The following DHX8 variants were observed in gnomAD, a reference collection of about 807,000 sequenced individuals.
DHX8 encodes the protein DEAH-box helicase 8.
Under a neutral mutation model 140.7 loss-of-function variants are expected in DHX8, and 67 were observed. The ratio of observed to expected loss-of-function variants is 0.48; its 90% confidence interval spans 0.39 to 0.58. The LOEUF (loss-of-function observed/expected upper bound fraction) is 0.58, where lower values mean the gene tolerates loss of function less well. DHX8 is among the 20% of genes least tolerant of loss of function. The probability of loss-of-function intolerance (pLI) is 0.00; values close to 1 mark genes in which losing one functional copy is unlikely to be tolerated. For missense variants in DHX8, 887 were observed against 1,550.7 expected (o/e 0.57, Z 7.19); for synonymous variants, 533 against 553.2 (o/e 0.96, Z 0.51).
intron 16 of DHX8, among the ~76,000 whole-genome samples, chr17:43,510,756 T>C (rs1969780324): frequency 6.6e-6 from 1 of 152,186 alleles, no homozygotes; most frequent in Admixed American, 6.6e-5. Context: ...AAAGAAATGC[T>C]GTACCCTTTA....
At chr17:43,494,843 G>C (rs1292119810) in intron 8 of DHX8, among the ~76,000 whole-genome samples, 1 of 136,404 alleles carries the variant, frequency 7.3e-6, no homozygotes, top group South Asian at 2.3e-4. Context: ...ACGGAGTCTC[G>C]CTCTGTCACC....
At chr17:43,514,813 A>G (rs1970024943) in intron 17 of DHX8, among the ~76,000 whole-genome samples, 3 of 152,258 alleles carry the variant, frequency 2.0e-5, no homozygotes, top group African/African-American at 7.2e-5. Flanking sequence ...TATTCATGCC[A>G]TAGAATGTTG....
At chr17:43,508,104 T>C (rs1385172205) in intron 15 of DHX8, 85 bp downstream of exon 15, 2 of 1,346,204 alleles carry the variant, frequency 1.5e-6, no homozygotes, top group Non-Finnish European at 2.0e-6. Flanking sequence ...TCTTTTTTGC[T>C]AATCTTTTTA....
intron 21 of DHX8, 132 bp downstream of exon 21, chr17:43,521,697 G>C (rs930154930): frequency 1.2e-6 from 1 of 869,020 alleles, no homozygotes; most frequent in Admixed American, 2.8e-5. Context: ...TTTTCCTCCA[G>C]CTTTTCCATC....
At chr17:43,536,502 A>C in intron 3 of DHX8, 3 of 1,613,574 alleles carry the variant, frequency 1.9e-6, no homozygotes, top group Non-Finnish European at 2.5e-6. Flanking sequence ...GTCAGAGGTG[A>C]GTTTGGGGCG....
intron 3 of DHX8, 73 bp from the exon 4 acceptor site, chr17:43,491,092 A>G (rs1968491095): frequency 1.6e-6 from 1 of 611,208 alleles, no homozygotes; most frequent in Non-Finnish European, 2.5e-6. Context: ...TGTTGAAGTT[A>G]TTTTGTTAAT....
intron 4 of DHX8, among the ~76,000 whole-genome samples, chr17:43,491,726 G>A (rs1170143507): frequency 2.0e-5 from 3 of 151,898 alleles, no homozygotes; most frequent in Non-Finnish European, 2.9e-5. Context: ...GTAGGGAGCA[G>A]GAAATAAACA....
At chr17:43,521,338 G>A (rs747460629) in intron 20 of DHX8, 31 bp from the exon 21 acceptor site, 26 of 1,577,828 alleles carry the variant, frequency 1.6e-5, no homozygotes, top group Middle Eastern at 1.7e-4. Flanking sequence ...CTGTTGAGTC[G>A]GAAATGTTCC....
intron 9 of DHX8, 126 bp from the exon 10 acceptor site, chr17:43,498,736 A>G: frequency 1.5e-6 from 1 of 666,064 alleles, no homozygotes; most frequent in Non-Finnish European, 2.5e-6. Flanking sequence ...GGCGTGAGCC[A>G]CCATGCCCCA....
In DHX8 at chr17:43,484,020, T is replaced by C. The variant is rs1222129972; in HGVS notation, c.-18T>C. 1.9e-6 allele frequency: 3 copies of C among 1,613,614 alleles called. No individual in the cohort carries two copies. The highest frequency in any genetic ancestry group is 2.5e-6 in the Non-Finnish European group (3 of 1,179,832). ...GAGCGCCGGCTGTGAGGAAGGAGGT[T>C]CTGGGCAAGCTATAGCCATGGCTGT... On this transcript the variant is annotated 5_prime_UTR_variant, in exon 1 of 23. Coordinates refer to ENST00000262415, the MANE Select transcript of DHX8 (RefSeq NM_004941.3).
chr17:43,498,319 G>A (rs1395926189), intron 9 of DHX8, among the ~76,000 whole-genome samples: 5 of 151,192 alleles, frequency 3.3e-5, no homozygotes, highest in African/African-American at 9.7e-5. Flanking sequence ...TAATTTTTTT[G>A]TATTTTTAGT....
chr17:43,498,850 G>T lies in DHX8; in HGVS notation c.1301-12G>T. On this transcript the variant is annotated splice_polypyrimidine_tract_variant and intron_variant, in intron 9 of 22. Coordinates refer to ENST00000262415, the MANE Select transcript of DHX8 (RefSeq NM_004941.3). ...TGTTTATGGCTAATTCTTCTTTTGGGGGGACTTTTAGATGAGGACCTTGAG... is the reference window on the plus strand; with the variant it reads ...TGTTTATGGCTAATTCTTCTTTTGGTGGGACTTTTAGATGAGGACCTTGAG... 6.3e-7 allele frequency: 1 copy of T among 1,585,128 alleles called. No individual in the cohort carries two copies. The highest frequency in any genetic ancestry group is 1.1e-5 in the South Asian group (1 of 87,602).
At position 43,520,864 on chromosome 17, in the gene DHX8, C is replaced by T; in HGVS notation, c.3051C>T (p.Val1017=). Residue 1017 remains valine, a synonymous_variant, in exon 20 of 23, where the codon GTC becomes GTT. Coordinates refer to ENST00000262415, the MANE Select transcript of DHX8 (RefSeq NM_004941.3). The stretch of plus-strand genomic sequence containing the variant: ...TATCCATGCTGTCTGTGCAGAACGT[C>T]TTCTATAGGCCCAAGGTAGGAAGTT... ...TIVSMLSVQN[V]FYRPKDKQAL... is the part of the protein sequence containing the mutation. 6.2e-7 allele frequency: 1 copy of T among 1,609,610 alleles called. No homozygotes were observed. Among genetic ancestry groups the T allele is most frequent in the African/African-American group, 1.3e-5 (1 of 74,438 alleles).
downstream of DHX8, chr17:43,528,038 A>G (rs1320771599): frequency 4.3e-6 from 1 of 234,698 alleles, no homozygotes; most frequent in Non-Finnish European, 8.4e-6. Flanking sequence ...CTCTGGGAAC[A>G]CAGAGCACCA....
rs1255958240 is a variant in DHX8, at chr17:43,492,865, A to T, written c.688A>T (p.Ser230Cys). ...ATATCGGTCCAGGAGCAGGAGTCAG[A>T]GTCCCCCCAAAGACCGGAAGGACCG... ...SRYRSRSRSQ[S>C]PPKDRKDRDK... Residue 230 changes from serine (S) to cysteine (C), a missense_variant, in exon 6 of 23, where the codon AGT becomes TGT. Coordinates refer to ENST00000262415, the MANE Select transcript of DHX8 (RefSeq NM_004941.3). 1.2e-6 allele frequency: 2 copies of T among 1,614,220 alleles called. No individual in the cohort carries two copies. Among genetic ancestry groups the T allele is most frequent in the Admixed American group, 3.3e-5 (2 of 60,026 alleles).
rs193112061 is a variant in DHX8, at chr17:43,499,419, C to T, written c.1398+460C>T. Among the ~76,000 whole-genome samples the T allele has an allele frequency of 2.0e-5, 3 of 152,318 alleles. No individual in the cohort carries two copies. In the East Asian group the frequency reaches 5.8e-4, roughly 29 times the overall value. On this transcript the variant is annotated intron_variant, in intron 10 of 22. Coordinates refer to ENST00000262415, the MANE Select transcript of DHX8 (RefSeq NM_004941.3). ...TATGGAAAAGGGTATATTTAAAGGT[C>T]TCCCAGCCCAGCACATATGAAATGC... is the stretch of plus-strand genomic sequence containing the variant.
intron 2 of DHX8, chr17:43,534,054 C>T (rs1295301069): frequency 1.4e-6 from 2 of 1,407,462 alleles, no homozygotes; most frequent in East Asian, 5.7e-5. Context: ...GCTTCTGATA[C>T]CTTCTGAGCT....
At chr17:43,499,436 A>G (rs183939095) in intron 10 of DHX8, among the ~76,000 whole-genome samples, 1 of 152,348 alleles carries the variant, frequency 6.6e-6, no homozygotes, top group East Asian at 1.9e-4. Context: ...CCCAGCACAT[A>G]TGAAATGCTT....
chr17:43,527,627 G>T (rs961525198), downstream of DHX8, among the ~76,000 whole-genome samples: 3 of 152,224 alleles, frequency 2.0e-5, no homozygotes, highest in Non-Finnish European at 4.4e-5. Context: ...ATTATTTCTG[G>T]ATCCTCACAC....
Sources: allele counts gnomAD v4.1 joint callset (sites outside exome capture counted in the v4.1 genomes callset), GRCh38; gene constraint gnomAD v4.1.1; transcripts MANE v1.5; gene names NCBI Gene and HGNC (gene_info 2026-07-23, HGNC 2026-07-21).